The following DMPK variants were observed in gnomAD, a reference collection of about 807,000 sequenced individuals.
DMPK encodes the protein myotonin-protein kinase.
In DMPK, 32 loss-of-function variants were observed where a neutral mutation model predicts 70.3. The ratio of observed to expected loss-of-function variants is 0.46; its 90% CI spans 0.34 to 0.61. The LOEUF (loss-of-function observed/expected upper bound fraction) is 0.61. DMPK is among the 20% of genes least tolerant of loss of function. The probability of loss-of-function intolerance (pLI) is 0.01; values close to 1 mark genes in which losing one functional copy is unlikely to be tolerated. For synonymous variants in DMPK, 469 were observed against 390.9 expected, an observed-to-expected ratio of 1.20 and a Z score of -2.36; for missense variants, 899 against 886.0, an observed-to-expected ratio of 1.01 and a Z score of -0.19.
At chr19:45,778,997 CATTCCAGGTA>C in intron 4 of DMPK, 1 of 586,106 alleles carries the variant, frequency 1.7e-6, no homozygotes, top group Non-Finnish European at 3.0e-6. Context: ...AGACCTATCC[CATTCCAGGTA>C]AGAGACCCCC....
chr19:45,779,535 T>C lies in DMPK; in HGVS notation c.253-13A>G, dbSNP rs369170331. On this transcript the variant is annotated splice_polypyrimidine_tract_variant and intron_variant, in intron 2 of 14. Coordinates refer to ENST00000291270, the MANE Select transcript of DMPK (RefSeq NM_004409.5). ...TCACTACCGCTACCTGAGGTCGAGA[T>C]AGTGAGACAGAGTGGAGACGGCGGG... 106 of 1,613,504 alleles carry C rather than the reference T, an allele frequency of 6.6e-5. No individual in the cohort carries two copies. Among genetic ancestry groups the C allele is most frequent in the Non-Finnish European group, 8.6e-5 (102 of 1,179,912 alleles).
At position 45,771,382 on chromosome 19, in the gene DMPK, G is replaced by T. The variant is rs1211924382; in HGVS notation, c.1615C>A (p.Pro539Thr). 5 of 1,605,480 alleles carry T rather than the reference G, an allele frequency of 3.1e-6. No homozygotes were observed. In the African/African-American group the frequency reaches 5.4e-5, roughly 17 times the overall value. Reference sequence around the variant, plus strand: ...GGTGGATCCGTGGCCCGGGGACTGGGGACCCCCGTGACAGCTGGAAGGAGA... The same window carrying T: ...GGTGGATCCGTGGCCCGGGGACTGGTGACCCCCGTGACAGCTGGAAGGAGA... Reference protein sequence around the residue: ...AEGATAVTGVPSPRATDPPSH... With the variant: ...AEGATAVTGVTSPRATDPPSH... Residue 539 changes from proline (P) to threonine (T), a missense_variant, in exon 13 of 15, where the codon CCC becomes ACC. Pro to Thr is a conservative substitution (Grantham distance 38). Coordinates refer to ENST00000291270, the MANE Select transcript of DMPK (RefSeq NM_004409.5).
At chr19:45,772,614 C>T (rs763412184) in intron 10 of DMPK, 27 bp downstream of exon 10, 17 of 1,474,306 alleles carry the variant, frequency 1.2e-5, no homozygotes, top group African/African-American at 2.9e-5. Flanking sequence ...TTGTCCCTGA[C>T]GGACCCCCTC....
At chr19:45,778,403 C>T (rs1255601656) in intron 5 of DMPK, 90 bp downstream of exon 5, 1 of 1,523,380 alleles carries the variant, frequency 6.6e-7, no homozygotes, top group African/African-American at 1.4e-5. Context: ...AAGAAGGTCC[C>T]TCTCCAGGCC....
Position 45,778,217 on chromosome 19 carries a change from G to A in DMPK, c.585C>T (p.Asp195=). Residue 195 remains aspartate (D), a synonymous_variant, in exon 6 of 15, where the codon GAC becomes GAT. Transcript: ENST00000291270. ...CCAGCAGGATGTTGTCGGGTTTGATGTCCCTGCACGGAGGAAAAGAGAAGG... is the reference window on the plus strand; with the variant it reads ...CCAGCAGGATGTTGTCGGGTTTGATATCCCTGCACGGAGGAAAAGAGAAGG... ...SVHRLGYVHR[D]IKPDNILLDR... is the part of the protein sequence containing the mutation. 6.2e-7 allele frequency: 1 copy of A among 1,612,998 alleles called. No individual in the cohort carries two copies. The highest frequency in any genetic ancestry group is 8.5e-7 in the Non-Finnish European group (1 of 1,179,382).
chr19:45,780,271 C>T, intron 1 of DMPK: 1 of 1,515,420 alleles, frequency 6.6e-7, no homozygotes, highest in Admixed American at 2.0e-5. Context: ...CCCCCACGTT[C>T]TCATGTAGAA....
Position 45,779,797 on chromosome 19 carries a change from C to T in DMPK, c.233G>A (p.Gly78Glu). ...GCTTACCTCGCTGAACGCCCCGCGTCCGATCACCTTCAGAATCTCGAAGTC... is the reference window on the plus strand; with the variant it reads ...GCTTACCTCGCTGAACGCCCCGCGTTCGATCACCTTCAGAATCTCGAAGTC... ...RDDFEILKVI[G>E]RGAFSEVAVV... The change falls in exon 2 of 15, where the codon GGA (glycine) becomes GAA (glutamate). Residue 78 changes from glycine (G) to glutamate (E), a missense_variant. Coordinates refer to ENST00000291270, the MANE Select transcript of DMPK (RefSeq NM_004409.5). 6.4e-7 allele frequency: 1 copy of T among 1,568,056 alleles called. No individual in the cohort carries two copies. Among genetic ancestry groups the T allele is most frequent in the Non-Finnish European group, 8.7e-7 (1 of 1,155,046 alleles).
Position 45,771,851 on chromosome 19 carries a change from G to A in DMPK, c.1422C>T (p.Ala474=), listed in dbSNP as rs1288149631. Residue 474 remains alanine, a synonymous_variant, in exon 11 of 15, where the codon GCC becomes GCT. Transcript: ENST00000291270. The stretch of plus-strand genomic sequence containing the variant: ...GCCGGGTGAGCACCTCCTCCTCCAG[G>A]GCTTCCTGGAGCTCCCGCAGCGTCA... ...AEVTLRELQE[A]LEEEVLTRQS... 6 of 1,578,488 alleles carry A rather than the reference G, an allele frequency of 3.8e-6. No individual in the cohort carries two copies. Among genetic ancestry groups the A allele is most frequent in the Non-Finnish European group, 5.2e-6 (6 of 1,162,548 alleles).
chr19:45,776,225 A>C (rs1300291078), intron 8 of DMPK, among the ~76,000 whole-genome samples: 6 of 84,312 alleles, frequency 7.1e-5, no homozygotes, highest in Admixed American at 1.7e-4. Context: ...CTCACTGCAA[A>C]CTCTGCCTCC....
intron 4 of DMPK, 93 bp from the exon 5 acceptor site, chr19:45,778,734 C>A (rs1969929691): frequency 7.3e-7 from 1 of 1,370,972 alleles, no homozygotes; most frequent in African/African-American, 1.4e-5. Context: ...GACACCCCAT[C>A]CTTGGGCAGA....
chr19:45,770,672 A>T, intron 14 of DMPK, 32 bp from the exon 15 acceptor site: 1 of 1,546,612 alleles, frequency 6.5e-7, no homozygotes, highest in South Asian at 1.2e-5. Flanking sequence ...AACACCCGGC[A>T]TGGGCCTCTG....
At chr19:45,770,909 G>A in intron 14 of DMPK, 62 bp downstream of exon 14, 1 of 1,246,886 alleles carries the variant, frequency 8.0e-7, no homozygotes, top group Non-Finnish European at 1.1e-6. Context: ...CTAAGCGGGT[G>A]GCAAGGGGCG....
At position 45,778,182 on chromosome 19, in the gene DMPK, C is replaced by T. The variant is rs369279468; in HGVS notation, c.620G>A (p.Gly207Asp). 1.2e-6 allele frequency: 2 copies of T among 1,613,822 alleles called. No homozygotes were observed. Among genetic ancestry groups the T allele is most frequent in the African/African-American group, 2.7e-5 (2 of 75,046 alleles). Residue 207 changes from glycine to aspartate, a missense_variant, in exon 6 of 15, where the codon GGC (glycine) becomes GAC (aspartate). By Grantham distance (94) the Gly-to-Asp change is moderately conservative. Coordinates refer to ENST00000291270, the MANE Select transcript of DMPK (RefSeq NM_004409.5). ...GCCGAAGTCGGCCAGGCGGATGTGG[C>T]CACAGCGGTCCAGCAGGATGTTGTC... ...KPDNILLDRC[G>D]HIRLADFGSC...
intron 9 of DMPK, among the ~76,000 whole-genome samples, chr19:45,773,671 G>C (rs1212309714): frequency 6.6e-6 from 1 of 152,104 alleles, no homozygotes; most frequent in Non-Finnish European, 1.5e-5. Flanking sequence ...CTTTTGTTGA[G>C]ACCAGGTCTC....
chr19:45,781,076 T>G (rs672348), intron 1 of DMPK, among the ~76,000 whole-genome samples: 69,431 of 152,000 alleles, frequency 0.46, 16,381 homozygotes, highest in East Asian at 0.65. Flanking sequence ...CTTCTTGGCC[T>G]CCACCTTCCC....
rs918111549 is a variant in DMPK, at chr19:45,781,477, G to C, written c.160+716C>G. The stretch of plus-strand genomic sequence containing the variant: ...GAGAACTAAAGGACGCAGGGACCCG[G>C]GGTGGCGGGAATGGTGGCTGACCCA... On this transcript the variant is annotated intron_variant, in intron 1 of 14. Transcript: ENST00000291270. Among the ~76,000 whole-genome samples, 8 of 152,300 alleles carry C rather than the reference G, an allele frequency of 5.3e-5. No homozygotes were observed. In the East Asian group the frequency reaches 1.5e-3, roughly 29 times the overall value.
chr19:45,769,986 C>T lies in DMPK; in HGVS notation c.*502G>A. The T allele has an allele frequency of 3.1e-6, 1 of 320,214 alleles. No homozygotes were observed. The highest frequency in any genetic ancestry group is 5.9e-6 in the Non-Finnish European group (1 of 168,442). 19.8% of individuals were successfully genotyped at this position (320,214 alleles called of 1,614,324 possible). A position where few individuals can be genotyped will look rare whatever the true frequency, so the allele number is the denominator to read the frequency against. On this transcript the variant is annotated 3_prime_UTR_variant, in exon 15 of 15. Transcript: ENST00000291270. ...CCCGAAAAAGCGGGTTTGGCAAAAG[C>T]AAATTTCCCGAGTAAGCAGGCAGAG...
rs534946812 is a variant in DMPK at position 45,776,134 on chromosome 19, ATTTTTTTT to A, written c.1147-1108_1147-1101del. 7.6e-4 allele frequency among the ~76,000 whole-genome samples: 37 copies of A among 48,366 alleles called. 9 individuals are homozygous for A. Among genetic ancestry groups the A allele is most frequent in the Non-Finnish European group, 1.2e-3 (31 of 26,146 alleles). The allele number at this position is 48,366 out of a possible 152,430, so 31.7% of individuals were successfully genotyped here. Reference sequence around the variant, plus strand: ...ACAGCGCCCGGCCGCGGTCCAGCCTATTTTTTTTTTTTTTTTTTTTTTTTTCTGAGACA... The same window carrying A: ...ACAGCGCCCGGCCGCGGTCCAGCCTATTTTTTTTTTTTTTTTTCTGAGACA... On this transcript the variant is annotated intron_variant, in intron 8 of 14. Transcript: ENST00000291270.
At chr19:45,771,740 T>C in intron 11 of DMPK, 31 bp downstream of exon 11, 1 of 1,597,548 alleles carries the variant, frequency 6.3e-7, no homozygotes, top group Non-Finnish European at 8.5e-7. Flanking sequence ...CCGGCCCGCA[T>C]CCCGGCCCCG....
Sources: allele counts gnomAD v4.1 joint callset (sites outside exome capture counted in the v4.1 genomes callset), GRCh38; gene constraint gnomAD v4.1.1; transcripts MANE v1.5; gene names NCBI Gene and HGNC (gene_info 2026-07-23, HGNC 2026-07-21).